Variants in C10orf88 observed in about 807,000 individuals in gnomAD.
The protein encoded by C10orf88 is ATPase PAAT.
Under a neutral mutation model 34.2 loss-of-function variants are expected in C10orf88, and 29 were observed. The observed-to-expected ratio is 0.85, with a 90% CI of 0.63 to 1.16. C10orf88 has a LOEUF of 1.16. C10orf88 is among the 50% of genes most tolerant of loss of function. The pLI is 0.00. For missense variants in C10orf88, 507 were observed against 533.2 expected (o/e 0.95, Z 0.48); for synonymous variants, 194 against 197.4 (o/e 0.98, Z 0.15).
rs1485609026 is a variant in C10orf88 at position 122,931,412 on chromosome 10, A to T, written c.*1015T>A. On this transcript the variant is annotated 3_prime_UTR_variant, in exon 6 of 6. Coordinates refer to ENST00000481909, the MANE Select transcript of C10orf88 (RefSeq NM_024942.4). ...TTTTAAAGAAGAAATTTGCCAAAATATTAAATGAGTATGAGATACCCTTTT... is the reference window on the plus strand; with the variant it reads ...TTTTAAAGAAGAAATTTGCCAAAATTTTAAATGAGTATGAGATACCCTTTT... 1.3e-5 allele frequency: 2 copies of T among 152,222 alleles called. No homozygotes were observed. The highest frequency in any genetic ancestry group is 2.9e-5 in the Non-Finnish European group (2 of 68,038). The allele number at this position is 152,222 out of a possible 1,614,324, so 9.4% of individuals were successfully genotyped here. A position where few individuals can be genotyped will look rare whatever the true frequency, so the allele number is the denominator to read the frequency against.
At chr10:122,947,184 A>G (rs770819409) in intron 4 of C10orf88, among the ~76,000 whole-genome samples, 8 of 152,210 alleles carry the variant, frequency 5.3e-5, no homozygotes, top group Middle Eastern at 3.4e-3. Flanking sequence ...AAAAGTATAC[A>G]TTTCCATCTT....
At chr10:122,944,487 GCA>G (rs1848618903) in intron 4 of C10orf88, among the ~76,000 whole-genome samples, 1 of 151,796 alleles carries the variant, frequency 6.6e-6, no homozygotes, top group African/African-American at 2.4e-5. Flanking sequence ...TAACAAACCT[GCA>G]CATTGTGCAC....
At chr10:122,938,936 T>C (rs143136338) in intron 4 of C10orf88, among the ~76,000 whole-genome samples, 1 of 152,162 alleles carries the variant, frequency 6.6e-6, no homozygotes, top group Admixed American at 6.6e-5. Flanking sequence ...TTAAGGCATA[T>C]GGCTCCACTC....
intron 3 of C10orf88, among the ~76,000 whole-genome samples, 192 bp downstream of exon 3, chr10:122,951,762 T>C (rs947071498): frequency 6.6e-6 from 1 of 151,864 alleles, no homozygotes; most frequent in African/African-American, 2.4e-5. Context: ...AGCTGGGAGA[T>C]GACGTTGCAG....
intron 4 of C10orf88, among the ~76,000 whole-genome samples, chr10:122,943,440 T>A (rs1848605123): frequency 1.3e-5 from 2 of 149,234 alleles, no homozygotes; most frequent in South Asian, 4.3e-4. Flanking sequence ...AACCTAGGCA[T>A]TACCATTCAG....
At chr10:122,942,081 C>G (rs1007729876) in intron 4 of C10orf88, among the ~76,000 whole-genome samples, 1 of 151,916 alleles carries the variant, frequency 6.6e-6, no homozygotes, top group Non-Finnish European at 1.5e-5. Context: ...AAAGACACAG[C>G]CAAAATAAAA....
chr10:122,946,340 T>C (rs1848639448), intron 4 of C10orf88, among the ~76,000 whole-genome samples: 1 of 152,118 alleles, frequency 6.6e-6, no homozygotes, highest in Non-Finnish European at 1.5e-5. Flanking sequence ...GTATACTATA[T>C]TTTTACAGTA....
chr10:122,950,133 T>A (rs1433646974), intron 3 of C10orf88, among the ~76,000 whole-genome samples: 1 of 152,238 alleles, frequency 6.6e-6, no homozygotes, highest in African/African-American at 2.4e-5. Flanking sequence ...TAAGTTTAAC[T>A]TACGACTCTG....
chr10:122,942,093 T>C (rs1017823763), intron 4 of C10orf88, among the ~76,000 whole-genome samples: 8 of 152,246 alleles, frequency 5.3e-5, no homozygotes, highest in African/African-American at 1.9e-4. Flanking sequence ...AAAATAAAAA[T>C]ATATCTAGTT....
At position 122,932,390 on chromosome 10, in the gene C10orf88, T is replaced by C; in HGVS notation, c.*37A>G. The C allele has an allele frequency of 6.6e-7, 1 of 1,504,956 alleles. No individual in the cohort carries two copies. The highest frequency in any genetic ancestry group is 1.2e-5 in the South Asian group (1 of 83,186). The allele number at this position is 1,504,956 out of a possible 1,614,324, so 93.2% of individuals were successfully genotyped here. A position where few individuals can be genotyped will look rare whatever the true frequency, so the allele number is the denominator to read the frequency against. On this transcript the variant is annotated 3_prime_UTR_variant, in exon 6 of 6. Transcript: ENST00000481909. ...GGGTTTTGGCTTTGTAATAAATATG[T>C]AATAAATATCTGCAGTACACTGTTT...
chr10:122,940,982 A>C (rs888859113), intron 4 of C10orf88, among the ~76,000 whole-genome samples: 5 of 152,078 alleles, frequency 3.3e-5, no homozygotes, highest in African/African-American at 1.2e-4. Flanking sequence ...TTTCTGAAAA[A>C]ATAATAGTTT....
chr10:122,938,203 C>CTTTTTGG, intron 4 of C10orf88, 44 bp from the exon 5 acceptor site: 2 of 1,471,092 alleles, frequency 1.4e-6, no homozygotes, highest in African/African-American at 2.8e-5. Context: ...ATAACACTGA[C>CTTTTTGG]AGCTAACTTT....
At chr10:122,947,618 G>A (rs1848651923) in intron 4 of C10orf88, among the ~76,000 whole-genome samples, 1 of 152,118 alleles carries the variant, frequency 6.6e-6, no homozygotes, top group African/African-American at 2.4e-5. Flanking sequence ...TCCAGCCACT[G>A]AAGGTTCATT....
chr10:122,935,126 C>T (rs928614694), intron 5 of C10orf88, among the ~76,000 whole-genome samples: 1 of 151,874 alleles, frequency 6.6e-6, no homozygotes, highest in African/African-American at 2.4e-5. Context: ...TTTTAATTCC[C>T]CTAACAGTGT....
chr10:122,945,993 G>A (rs1383395220), intron 4 of C10orf88, among the ~76,000 whole-genome samples: 1 of 151,992 alleles, frequency 6.6e-6, no homozygotes, highest in Admixed American at 6.6e-5. Flanking sequence ...CTACTCAGGG[G>A]CCTGAGGTAG....
At chr10:122,953,156 C>G (rs561975542) in intron 1 of C10orf88, 124 bp from the exon 2 acceptor site, 1 of 735,782 alleles carries the variant, frequency 1.4e-6, no homozygotes, top group East Asian at 2.7e-5. Context: ...CGGCTCACTG[C>G]ACGCTCCGCC....
chr10:122,941,281 T>C (rs1848578887), intron 4 of C10orf88, among the ~76,000 whole-genome samples: 2 of 151,980 alleles, frequency 1.3e-5, no homozygotes, highest in African/African-American at 4.8e-5. Flanking sequence ...CAAAAGCAAA[T>C]CAAAGCCAGC....
At position 122,931,512 on chromosome 10, in the gene C10orf88, C is replaced by T; in HGVS notation, c.*915G>A. The T allele has an allele frequency of 6.6e-6, 1 of 152,084 alleles. No individual in the cohort carries two copies. The highest frequency in any genetic ancestry group is 2.4e-5 in the African/African-American group (1 of 41,396). 9.4% of individuals were successfully genotyped at this position (152,084 alleles called of 1,614,324 possible). A position where few individuals can be genotyped will look rare whatever the true frequency, so the allele number is the denominator to read the frequency against. ...CTACTAACTAAAGACAAGTAGTTCC[C>T]AGAGCAGGTGCATTTATTTTTATAT... On this transcript the variant is annotated 3_prime_UTR_variant, in exon 6 of 6. Transcript: ENST00000481909.
chr10:122,938,241 G>T, intron 4 of C10orf88, 82 bp from the exon 5 acceptor site: 1 of 1,142,590 alleles, frequency 8.8e-7, no homozygotes, highest in Non-Finnish European at 1.2e-6. Context: ...GTCAGGCACT[G>T]TGCATTGTTT....
Sources: allele counts gnomAD v4.1 joint callset (sites outside exome capture counted in the v4.1 genomes callset), GRCh38; gene constraint gnomAD v4.1.1; transcripts MANE v1.5; gene names NCBI Gene and HGNC (gene_info 2026-07-23, HGNC 2026-07-21).